The following PXDNL variants were observed in gnomAD, a reference collection of about 807,000 sequenced individuals.
PXDNL encodes peroxidasin like.
A neutral mutation model predicts 150.8 loss-of-function variants in PXDNL; 145 were observed. The observed-to-expected ratio is 0.96, with a 90% CI of 0.84 to 1.10. The LOEUF is 1.10. Among genes scored for constraint, PXDNL ranks in the 50% least tolerant of loss-of-function variants. The probability of loss-of-function intolerance (pLI) is 0.00; values close to 1 mark genes in which losing one functional copy is unlikely to be tolerated. For synonymous variants in PXDNL, 757 were observed against 725.7 expected, an observed-to-expected ratio of 1.04 and a Z score of -0.69; for missense variants, 2,087 against 1,873.9, an observed-to-expected ratio of 1.11 and a Z score of -2.10.
At chr8:51,709,421 AT>A (rs573056540) in intron 1 of PXDNL, among the ~76,000 whole-genome samples, 9 of 151,702 alleles carry the variant, frequency 5.9e-5, no homozygotes, top group African/African-American at 2.2e-4. Flanking sequence ...CGCCCGGCTA[AT>A]TTTTTTTATT....
chr8:51,605,223 T>C (rs184172051), intron 2 of PXDNL, among the ~76,000 whole-genome samples: 3 of 152,246 alleles, frequency 2.0e-5, no homozygotes, highest in Admixed American at 6.5e-5. Context: ...TATGGACATA[T>C]AGGTCTCAAG....
intron 5 of PXDNL, among the ~76,000 whole-genome samples, chr8:51,492,562 G>A (rs905892538): frequency 1.3e-5 from 2 of 152,168 alleles, no homozygotes; most frequent in Non-Finnish European, 2.9e-5. Context: ...ATGGCACCTG[G>A]AAAATCAGGC....
intron 10 of PXDNL, among the ~76,000 whole-genome samples, chr8:51,449,474 G>A (rs1275411361): frequency 6.6e-6 from 1 of 152,144 alleles, no homozygotes; most frequent in Non-Finnish European, 1.5e-5. Context: ...TAACAAAACC[G>A]TCTTCTCCAA....
intron 4 of PXDNL, among the ~76,000 whole-genome samples, chr8:51,514,242 A>G (rs1811486340): frequency 6.6e-6 from 1 of 152,238 alleles, no homozygotes; most frequent in Non-Finnish European, 1.5e-5. Context: ...GGGAAGGGAA[A>G]GATACTAGGA....
chr8:51,341,550 C>T (rs1465348753), intron 20 of PXDNL, among the ~76,000 whole-genome samples: 2 of 152,066 alleles, frequency 1.3e-5, no homozygotes, highest in Admixed American at 6.6e-5. Flanking sequence ...GGTTGTGCAG[C>T]GAATCTCTAG....
At chr8:51,385,159 G>A (rs1490863358) in intron 17 of PXDNL, among the ~76,000 whole-genome samples, 2 of 152,058 alleles carry the variant, frequency 1.3e-5, no homozygotes, top group South Asian at 2.1e-4. Flanking sequence ...CTCCAGTGGA[G>A]AAATTTGCTT....
At chr8:51,640,624 A>C (rs905684363) in intron 2 of PXDNL, among the ~76,000 whole-genome samples, 13 of 152,218 alleles carry the variant, frequency 8.5e-5, no homozygotes, top group Non-Finnish European at 2.9e-5. Context: ...AGAGAATAAA[A>C]TACCTAGGAA....
chr8:51,690,335 A>C (rs1242851208), intron 1 of PXDNL, among the ~76,000 whole-genome samples: 2 of 151,972 alleles, frequency 1.3e-5, no homozygotes, highest in East Asian at 3.9e-4. Flanking sequence ...CACACCCTAC[A>C]ACAGTCCCCA....
intron 1 of PXDNL, among the ~76,000 whole-genome samples, chr8:51,681,672 T>C (rs569378755): frequency 6.6e-6 from 1 of 152,240 alleles, no homozygotes; most frequent in South Asian, 2.1e-4. Flanking sequence ...GTTATGAGGT[T>C]GTGACATTAA....
At chr8:51,790,084 T>G (rs980569042) in intron 1 of PXDNL, among the ~76,000 whole-genome samples, 3 of 152,188 alleles carry the variant, frequency 2.0e-5, no homozygotes, top group African/African-American at 7.2e-5. Flanking sequence ...CAAGGATAAT[T>G]AAATGTGATG....
At chr8:51,322,215 G>T (rs916330664) in intron 21 of PXDNL, among the ~76,000 whole-genome samples, 2 of 152,122 alleles carry the variant, frequency 1.3e-5, no homozygotes, top group Non-Finnish European at 2.9e-5. Flanking sequence ...CTTGTATTCT[G>T]CTATGGTGCC....
In PXDNL at chr8:51,683,164, CATATATATATATATAT is replaced by C. The variant is rs71237228; in HGVS notation, c.165-28420_165-28405del. 1.3e-3 allele frequency among the ~76,000 whole-genome samples: 58 copies of C among 44,462 alleles called. 3 individuals are homozygous for C. The highest frequency in any genetic ancestry group is 3.8e-3 in the Admixed American group (11 of 2,872). 29.2% of individuals were successfully genotyped at this position (44,462 alleles called of 152,430 possible). ...ATCCTTACTAACACCAATTGTCTTTCATATATATATATATATATATATATATATATATATATGCCTA... is the reference window on the plus strand; with the variant it reads ...ATCCTTACTAACACCAATTGTCTTTCATATATATATATATATATATGCCTA... On this transcript the variant is annotated intron_variant, in intron 1 of 22. Coordinates refer to ENST00000356297, the MANE Select transcript of PXDNL (RefSeq NM_144651.5).
intron 17 of PXDNL, among the ~76,000 whole-genome samples, chr8:51,402,828 T>C (rs1254861347): frequency 6.6e-6 from 1 of 151,938 alleles, no homozygotes; most frequent in Non-Finnish European, 1.5e-5. Context: ...TTTGGGAGGC[T>C]GAGGCGGGTG....
chr8:51,346,008 A>T, intron 19 of PXDNL, 61 bp from the exon 20 acceptor site: 1 of 1,032,150 alleles, frequency 9.7e-7, no homozygotes, highest in Non-Finnish European at 1.5e-6. Flanking sequence ...GATCTCATCT[A>T]GATCATTTCT....
At chr8:51,365,901 C>T (rs1390578364) in intron 19 of PXDNL, among the ~76,000 whole-genome samples, 1 of 152,124 alleles carries the variant, frequency 6.6e-6, no homozygotes, top group Admixed American at 6.5e-5. Flanking sequence ...AAAATGGAGG[C>T]ACTTATGCTA....
At position 51,592,809 on chromosome 8, in the gene PXDNL, C is replaced by T. The variant is rs887513402; in HGVS notation, c.237-111G>A. 10 of 645,940 alleles carry T rather than the reference C, an allele frequency of 1.5e-5. No homozygotes were observed. The Admixed American group carries it at 2.4e-4, about 16-fold the overall frequency. The allele number at this position is 645,940 out of a possible 1,614,324, so 40.0% of individuals were successfully genotyped here. On this transcript the variant is annotated intron_variant, in intron 2 of 22. Coordinates refer to ENST00000356297, the MANE Select transcript of PXDNL (RefSeq NM_144651.5). Reference sequence around the variant, plus strand: ...TACACAACAGAAAAATATTTACTGACATGGTTCACTAAATTTGGAAATTTA... The same window carrying T: ...TACACAACAGAAAAATATTTACTGATATGGTTCACTAAATTTGGAAATTTA...
At chr8:51,598,591 T>C (rs1377659491) in intron 2 of PXDNL, among the ~76,000 whole-genome samples, 2 of 152,308 alleles carry the variant, frequency 1.3e-5, no homozygotes, top group Non-Finnish European at 1.5e-5. Context: ...AAATGAAGCA[T>C]ATGTGATCAT....
chr8:51,744,608 G>A (rs1336310272), intron 1 of PXDNL, among the ~76,000 whole-genome samples: 1 of 141,358 alleles, frequency 7.1e-6, no homozygotes, highest in Non-Finnish European at 1.5e-5. Flanking sequence ...CCTGGGAGGT[G>A]GAGCTTGCAG....
In PXDNL at chr8:51,464,717, G is replaced by A. The variant is rs147323683; in HGVS notation, c.813-7050C>T. ...GTAACATCACACACCAGGGCCTGTCGCGGGGTGGGGAGCTAGGGGAGGGAT... is the reference window on the plus strand; with the variant it reads ...GTAACATCACACACCAGGGCCTGTCACGGGGTGGGGAGCTAGGGGAGGGAT... On this transcript the variant is annotated intron_variant, in intron 8 of 22. Coordinates refer to ENST00000356297, the MANE Select transcript of PXDNL (RefSeq NM_144651.5). 5.9e-3 allele frequency among the ~76,000 whole-genome samples: 899 copies of A among 152,180 alleles called. 5 individuals are homozygous for A. The highest frequency in any genetic ancestry group is 9.2e-3 in the Non-Finnish European group (624 of 68,000).
Sources: gnomAD v4.1 joint callset for allele counts (sites outside exome capture counted in the v4.1 genomes callset) on GRCh38, gnomAD v4.1.1 for gene constraint, MANE v1.5 for transcripts, NCBI Gene and HGNC (gene_info 2026-07-23, HGNC 2026-07-21) for gene names.